CCDC42: variants seen among roughly 807,000 people sequenced by gnomAD.
CCDC42 encodes the protein coiled-coil domain containing 42.
CCDC42 carries 38 observed loss-of-function variants against 40.8 expected under a neutral mutation model. The ratio of observed to expected loss-of-function variants is 0.93; its 90% confidence interval spans 0.72 to 1.22. The LOEUF (loss-of-function observed/expected upper bound fraction) is 1.22. Ranked by LOEUF, CCDC42 falls within the 50% of genes most tolerant of loss-of-function variation. The probability of loss-of-function intolerance (pLI) is 0.00; values close to 1 mark genes in which losing one functional copy is unlikely to be tolerated. For synonymous variants in CCDC42, 135 were observed against 157.5 expected (o/e 0.86, Z 1.07); for missense variants, 379 against 416.5 (o/e 0.91, Z 0.78).
rs1421095221 is a variant in CCDC42, at chr17:8,741,462, C to T, written c.492+12G>A. Reference sequence around the variant, plus strand: ...AGGTGCCAGGGCCGGCCCCCCTGCTCCTTGGACTCACCTCGGAGTTCTCCA... The same window carrying T: ...AGGTGCCAGGGCCGGCCCCCCTGCTTCTTGGACTCACCTCGGAGTTCTCCA... On this transcript the variant is annotated intron_variant, in intron 4 of 6. Transcript: ENST00000293845. 3.1e-6 allele frequency: 5 copies of T among 1,613,820 alleles called. No homozygotes were observed. The highest frequency in any genetic ancestry group is 4.2e-6 in the Non-Finnish European group (5 of 1,179,768).
chr17:8,741,476 C>A lies in CCDC42; in HGVS notation c.490G>T (p.Glu164Ter). ...KYLEKVVENS[E>*]FEEIHEVIAR... ...GCCCCCCTGCTCCTTGGACTCACCT[C>A]GGAGTTCTCCACCACCTTCTCTAGG... The change falls in exon 4 of 7, where the codon GAG (glutamate) becomes TAG (stop). Residue 164 changes from glutamate (E) to a stop codon, truncating the protein, a stop_gained and splice_region_variant. Coordinates refer to ENST00000293845, the MANE Select transcript of CCDC42 (RefSeq NM_144681.3). LOFTEE classifies it high-confidence loss of function. The A allele has an allele frequency of 6.2e-7, 1 of 1,614,144 alleles. No individual in the cohort carries two copies. The highest frequency in any genetic ancestry group is 8.5e-7 in the Non-Finnish European group (1 of 1,179,990).
rs1198669982 is a variant in CCDC42, at chr17:8,730,040, C to G, written c.*90G>C. ...CTCAGCAGGAAGGCACAGCAGGCATCGGTCCCGAGCTGGACTGACTGGACC... is the reference window on the plus strand; with the variant it reads ...CTCAGCAGGAAGGCACAGCAGGCATGGGTCCCGAGCTGGACTGACTGGACC... On this transcript the variant is annotated 3_prime_UTR_variant, in exon 7 of 7. Coordinates refer to ENST00000293845, the MANE Select transcript of CCDC42 (RefSeq NM_144681.3). 3 of 1,163,598 alleles carry G rather than the reference C, an allele frequency of 2.6e-6. No individual in the cohort carries two copies. Among genetic ancestry groups the G allele is most frequent in the African/African-American group, 3.0e-5 (2 of 66,366 alleles). 72.1% of individuals were successfully genotyped at this position (1,163,598 alleles called of 1,614,324 possible). A position where few individuals can be genotyped will look rare whatever the true frequency, so the allele number is the denominator to read the frequency against.
chr17:8,735,668 C>A lies in CCDC42; in HGVS notation c.493-57G>T. On this transcript the variant is annotated intron_variant, in intron 4 of 6. Coordinates refer to ENST00000293845, the MANE Select transcript of CCDC42 (RefSeq NM_144681.3). This position sits in a 1 kb window ranked among gnomAD's most constrained non-coding sequence, Gnocchi z 4.7. ...CAGCCCCTGGGGCCTGAGGGAGCCA[C>A]CCAGTCCTGCCAACCTCCAGCCTGG... 1 of 1,447,740 alleles carries A rather than the reference C, an allele frequency of 6.9e-7. No individual in the cohort carries two copies. Among genetic ancestry groups the A allele is most frequent in the African/African-American group, 1.4e-5 (1 of 71,086 alleles). The allele number at this position is 1,447,740 out of a possible 1,614,324, so 89.7% of individuals were successfully genotyped here.
intron 2 of CCDC42, 128 bp downstream of exon 2, chr17:8,743,951 T>A: frequency 1.4e-6 from 1 of 708,276 alleles, no homozygotes; most frequent in Admixed American, 2.8e-5. Context: ...AGAGACCAGA[T>A]CACCATAGAG....
At chr17:8,744,264 A>G (rs2086664168) in intron 1 of CCDC42, 80 bp from the exon 2 acceptor site, 1 of 1,086,806 alleles carries the variant, frequency 9.2e-7, no homozygotes, top group Non-Finnish European at 1.4e-6. Context: ...GTGGAGACAG[A>G]TACCCATGGG....
intron 4 of CCDC42, among the ~76,000 whole-genome samples, chr17:8,738,339 T>C (rs1363398174): frequency 6.6e-6 from 1 of 152,220 alleles, no homozygotes; most frequent in Non-Finnish European, 1.5e-5. Context: ...TAATCATTAT[T>C]AGAATCAGGT....
At chr17:8,741,398 A>G (rs2086642463) in intron 4 of CCDC42, 76 bp downstream of exon 4, 3 of 1,429,552 alleles carry the variant, frequency 2.1e-6, no homozygotes, top group South Asian at 1.2e-5. Context: ...ATTCCATCCC[A>G]TGGCCCCAGG....
chr17:8,736,354 G>A (rs2086611364), intron 4 of CCDC42, among the ~76,000 whole-genome samples: 1 of 152,148 alleles, frequency 6.6e-6, no homozygotes, highest in Non-Finnish European at 1.5e-5. Context: ...GAGGGTGCTG[G>A]TGGGGCAGGT....
At chr17:8,739,972 G>T (rs1212396261) in intron 4 of CCDC42, among the ~76,000 whole-genome samples, 1 of 152,168 alleles carries the variant, frequency 6.6e-6, no homozygotes. Context: ...AGGAAATAAT[G>T]CAGAGGTGGG....
chr17:8,743,250 G>C (rs1365114958), intron 3 of CCDC42, among the ~76,000 whole-genome samples: 2 of 152,200 alleles, frequency 1.3e-5, no homozygotes, highest in African/African-American at 4.8e-5. Flanking sequence ...GGATGGAGGG[G>C]TGGGGTGGGT....
At position 8,735,744 on chromosome 17, in the gene CCDC42, G is replaced by A. The variant is rs1363918457; in HGVS notation, c.493-133C>T. The A allele has an allele frequency of 1.7e-5, 12 of 694,598 alleles. No homozygotes were observed. Among genetic ancestry groups the A allele is most frequent in the East Asian group, 1.1e-4 (4 of 36,878 alleles). The allele number at this position is 694,598 out of a possible 1,614,324, so 43.0% of individuals were successfully genotyped here. Reference sequence around the variant, plus strand: ...CAGGCAGGCCCTTGGCCAGGGTCACGGCCAGAGGCTGTGAGGGACACTGGG... The same window carrying A: ...CAGGCAGGCCCTTGGCCAGGGTCACAGCCAGAGGCTGTGAGGGACACTGGG... On this transcript the variant is annotated intron_variant, in intron 4 of 6. Transcript: ENST00000293845. This position sits in a 1 kb window ranked among gnomAD's most constrained non-coding sequence, Gnocchi z 4.7.
intron 4 of CCDC42, among the ~76,000 whole-genome samples, chr17:8,740,646 AG>A (rs924897741): frequency 6.6e-6 from 1 of 152,014 alleles, no homozygotes; most frequent in Non-Finnish European, 1.5e-5. Context: ...TTGAGGGCAG[AG>A]GGGGGTTTCC....
At position 8,735,705 on chromosome 17, in the gene CCDC42, C is replaced by T. The variant is rs1053000970; in HGVS notation, c.493-94G>A. ...AACCTCCAGCCTGGATGCCTGGACA[C>T]CTGGACACCTGGGCAGGCAGGCCCT... On this transcript the variant is annotated intron_variant, in intron 4 of 6. Transcript: ENST00000293845. The surrounding 1 kb of genome is among the most constrained non-coding windows in gnomAD (Gnocchi z 4.7). The T allele has an allele frequency of 1.9e-6, 2 of 1,030,074 alleles. No individual in the cohort carries two copies. The highest frequency in any genetic ancestry group is 1.6e-5 in the African/African-American group (1 of 62,208). 63.8% of individuals were successfully genotyped at this position (1,030,074 alleles called of 1,614,324 possible).
chr17:8,741,439 G>T, intron 4 of CCDC42, 35 bp downstream of exon 4: 2 of 1,597,636 alleles, frequency 1.3e-6, no homozygotes, highest in Non-Finnish European at 1.7e-6. Context: ...GCTGAGGAAG[G>T]TGCCAGGGCC....
rs1363918457 is a variant in CCDC42, at chr17:8,735,744, G to T, written c.493-133C>A. ...CAGGCAGGCCCTTGGCCAGGGTCACGGCCAGAGGCTGTGAGGGACACTGGG... is the reference window on the plus strand; with the variant it reads ...CAGGCAGGCCCTTGGCCAGGGTCACTGCCAGAGGCTGTGAGGGACACTGGG... On this transcript the variant is annotated intron_variant, in intron 4 of 6. Coordinates refer to ENST00000293845, the MANE Select transcript of CCDC42 (RefSeq NM_144681.3). This position sits in a 1 kb window ranked among gnomAD's most constrained non-coding sequence, Gnocchi z 4.7. 13 of 694,600 alleles carry T rather than the reference G, an allele frequency of 1.9e-5. No homozygotes were observed. Among genetic ancestry groups the T allele is most frequent in the Non-Finnish European group, 3.1e-5 (13 of 419,420 alleles). The allele number at this position is 694,600 out of a possible 1,614,324, so 43.0% of individuals were successfully genotyped here.
chr17:8,732,118 G>A (rs2086584448), intron 6 of CCDC42, among the ~76,000 whole-genome samples: 1 of 152,068 alleles, frequency 6.6e-6, no homozygotes, highest in Non-Finnish European at 1.5e-5. Flanking sequence ...GGCTAACACG[G>A]TGAAACCCCG....
rs569294801 is a variant in CCDC42, at chr17:8,740,916, C to G, written c.492+558G>C. On this transcript the variant is annotated intron_variant, in intron 4 of 6. Transcript: ENST00000293845. ...TTGGGTTCACCCTGGGGCTCACCAG[C>G]GAACTGAATGAAGTTACCCGTGTGA... Among the ~76,000 whole-genome samples the G allele has an allele frequency of 6.6e-5, 10 of 152,220 alleles. No individual in the cohort carries two copies. The South Asian group carries it at 1.9e-3, about 28-fold the overall frequency.
chr17:8,735,268 A>G lies in CCDC42; in HGVS notation c.715-14T>C, dbSNP rs562640673. 8.7e-6 allele frequency: 14 copies of G among 1,614,018 alleles called. No individual in the cohort carries two copies. The highest frequency in any genetic ancestry group is 6.7e-5 in the African/African-American group (5 of 75,010). On this transcript the variant is annotated splice_polypyrimidine_tract_variant and intron_variant, in intron 5 of 6. Transcript: ENST00000293845. The surrounding 1 kb of genome is among the most constrained non-coding windows in gnomAD (Gnocchi z 4.7). ...CCAGCGAGATTCCTGGAGAGTGGAT[A>G]AGGACGGGGCATGAGCACAGCATGT... is the stretch of plus-strand genomic sequence containing the variant.
At position 8,735,624 on chromosome 17, in the gene CCDC42, G is replaced by T. The variant is rs2086607209; in HGVS notation, c.493-13C>A. The T allele has an allele frequency of 6.2e-7, 1 of 1,610,056 alleles. No homozygotes were observed. Among genetic ancestry groups the T allele is most frequent in the African/African-American group, 1.3e-5 (1 of 74,846 alleles). On this transcript the variant is annotated splice_polypyrimidine_tract_variant and intron_variant, in intron 4 of 6. Transcript: ENST00000293845. This position sits in a 1 kb window ranked among gnomAD's most constrained non-coding sequence, Gnocchi z 4.7. ...GGATCTCCTCGAACTGTGGTCAGGG[G>T]CTCAGGTCAATGCACAGCCAGCCCC...
Sources: allele counts gnomAD v4.1 joint callset (sites outside exome capture counted in the v4.1 genomes callset), GRCh38; gene constraint gnomAD v4.1.1; non-coding constraint Gnocchi (gnomAD v3.1); transcripts MANE v1.5; gene names NCBI Gene and HGNC (gene_info 2026-07-23, HGNC 2026-07-21).